The following WDR70 variants were observed in gnomAD, a reference collection of about 807,000 sequenced individuals.
WDR70 encodes the protein WD repeat domain 70.
Under a neutral mutation model 88.6 loss-of-function variants are expected in WDR70, and 53 were observed. That is an observed-to-expected ratio of 0.60 (90% CI 0.48 to 0.75). The LOEUF (loss-of-function observed/expected upper bound fraction) is 0.75, where lower values mean the gene tolerates loss of function less well. WDR70 is among the 30% of genes least tolerant of loss of function. The pLI is 0.00. For missense variants in WDR70, 610 were observed against 823.2 expected (o/e 0.74, Z 3.17); for synonymous variants, 280 against 270.0 (o/e 1.04, Z -0.36).
chr5:37,570,553 G>C (rs1742871840), intron 9 of WDR70, among the ~76,000 whole-genome samples: 1 of 152,048 alleles, frequency 6.6e-6, no homozygotes, highest in African/African-American at 2.4e-5. Context: ...ACTGAATCCT[G>C]AGGAAATGAC....
At chr5:37,745,013 C>T (rs781523038) in intron 17 of WDR70, among the ~76,000 whole-genome samples, 4 of 152,070 alleles carry the variant, frequency 2.6e-5, no homozygotes, top group Non-Finnish European at 5.9e-5. Context: ...CTGTTAAGGG[C>T]AGCCAGAGAG....
At chr5:37,742,102 C>A (rs1748499189) in intron 17 of WDR70, among the ~76,000 whole-genome samples, 1 of 151,976 alleles carries the variant, frequency 6.6e-6, no homozygotes, top group Non-Finnish European at 1.5e-5. Context: ...GGGTATATAC[C>A]CAGAAATGGA....
intron 17 of WDR70, among the ~76,000 whole-genome samples, chr5:37,739,806 C>T (rs1345250349): frequency 6.6e-6 from 1 of 152,096 alleles, no homozygotes; most frequent in East Asian, 1.9e-4. Context: ...CCCCCCATAC[C>T]CCGACTGGCC....
chr5:37,529,796 C>T, intron 9 of WDR70, among the ~76,000 whole-genome samples: 1 of 152,016 alleles, frequency 6.6e-6, no homozygotes, highest in Non-Finnish European at 1.5e-5. Flanking sequence ...TCCTCTTTAT[C>T]AATTTGGATG....
At chr5:37,554,596 T>G (rs1219094787) in intron 9 of WDR70, among the ~76,000 whole-genome samples, 2 of 151,406 alleles carry the variant, frequency 1.3e-5, no homozygotes, top group African/African-American at 4.9e-5. Context: ...GCAGAAGCAG[T>G]GAACAGAATA....
chr5:37,751,570 A>G (rs2973086), intron 17 of WDR70, among the ~76,000 whole-genome samples: 62,506 of 152,126 alleles, frequency 0.41, 15,471 homozygotes, highest in Non-Finnish European at 0.55. Flanking sequence ...CTTGCCAAAT[A>G]AAAGGAATTA....
chr5:37,412,438 T>G (rs1419334865), intron 5 of WDR70, among the ~76,000 whole-genome samples: 3 of 152,054 alleles, frequency 2.0e-5, no homozygotes, highest in Non-Finnish European at 4.4e-5. Flanking sequence ...CTATTACTTG[T>G]TCATGATTCT....
chr5:37,428,913 T>C (rs867653629), intron 5 of WDR70, among the ~76,000 whole-genome samples: 1 of 152,208 alleles, frequency 6.6e-6, no homozygotes, highest in African/African-American at 2.4e-5. Context: ...CTACACTTGG[T>C]ATTGTTGATA....
intron 10 of WDR70, chr5:37,688,154 T>C (rs929358166): frequency 4.9e-6 from 2 of 406,632 alleles, no homozygotes; most frequent in Admixed American, 4.2e-5. Flanking sequence ...TAAAGTATTA[T>C]GCATTTGCCT....
chr5:37,685,298 C>A (rs1241446077), intron 10 of WDR70, among the ~76,000 whole-genome samples: 1 of 152,040 alleles, frequency 6.6e-6, no homozygotes, highest in African/African-American at 2.4e-5. Flanking sequence ...TAGACACACA[C>A]CAGCAGAGTG....
At chr5:37,399,779 C>T (rs182859874) in intron 5 of WDR70, among the ~76,000 whole-genome samples, 1 of 151,978 alleles carries the variant, frequency 6.6e-6, no homozygotes, top group East Asian at 1.9e-4. Flanking sequence ...AGGAAATTAC[C>T]CTTGAAATGA....
intron 7 of WDR70, among the ~76,000 whole-genome samples, chr5:37,450,236 G>T (rs1242549917): frequency 6.6e-6 from 1 of 152,146 alleles, no homozygotes; most frequent in African/African-American, 2.4e-5. Context: ...ATAGTAGAAT[G>T]ATTTATAATC....
At chr5:37,542,902 C>T (rs1291702613) in intron 9 of WDR70, among the ~76,000 whole-genome samples, 1 of 152,160 alleles carries the variant, frequency 6.6e-6, no homozygotes, top group African/African-American at 2.4e-5. Flanking sequence ...TGCAGCTACT[C>T]CCATTAAGGG....
At chr5:37,677,393 C>G (rs1162290976) in intron 10 of WDR70, among the ~76,000 whole-genome samples, 1 of 152,178 alleles carries the variant, frequency 6.6e-6, no homozygotes, top group African/African-American at 2.4e-5. Flanking sequence ...TTTCCCTCTC[C>G]ATACTGCTTT....
intron 5 of WDR70, among the ~76,000 whole-genome samples, chr5:37,419,496 G>T (rs990251922): frequency 6.6e-6 from 1 of 150,606 alleles, no homozygotes; most frequent in Non-Finnish European, 1.5e-5. Context: ...GAGCCACCGC[G>T]CCCAGCTGCT....
chr5:37,414,395 A>G (rs1222654870), intron 5 of WDR70, among the ~76,000 whole-genome samples: 1 of 152,128 alleles, frequency 6.6e-6, no homozygotes, highest in Non-Finnish European at 1.5e-5. Flanking sequence ...ATGGAATAAT[A>G]CCCAGAACTT....
chr5:37,610,927 T>G (rs1744174247), intron 10 of WDR70, among the ~76,000 whole-genome samples: 1 of 152,200 alleles, frequency 6.6e-6, no homozygotes, highest in African/African-American at 2.4e-5. Context: ...CTTTTGAGAT[T>G]CTTACTTCCC....
At position 37,605,217 on chromosome 5, in the gene WDR70, G is replaced by C; in HGVS notation, c.1071G>C (p.Gln357His). 1 of 1,596,538 alleles carries C rather than the reference G, an allele frequency of 6.3e-7. No individual in the cohort carries two copies. The highest frequency in any genetic ancestry group is 8.5e-7 in the Non-Finnish European group (1 of 1,171,950). The part of the protein sequence containing the change: ...IAAACQNGSI[Q>H]IWDRNLTVHP... Reference sequence around the variant, plus strand: ...CTGCCTGCCAGAATGGAAGCATACAGATCTGGGACCGAAATTTGACTGTAA... The same window carrying C: ...CTGCCTGCCAGAATGGAAGCATACACATCTGGGACCGAAATTTGACTGTAA... Residue 357 changes from glutamine (Q) to histidine (H), a missense_variant, in exon 10 of 18, where the codon CAG (glutamine) becomes CAC (histidine). By Grantham distance (24) the Gln-to-His change is conservative. Transcript: ENST00000265107.
chr5:37,382,902 A>G (rs1211694482), intron 3 of WDR70, among the ~76,000 whole-genome samples: 2 of 151,796 alleles, frequency 1.3e-5, no homozygotes, highest in Non-Finnish European at 2.9e-5. Context: ...AATCCCAGCT[A>G]GTAGGGAGGG....
Sources: allele counts gnomAD v4.1 joint callset (sites outside exome capture counted in the v4.1 genomes callset), GRCh38; gene constraint gnomAD v4.1.1; transcripts MANE v1.5; gene names NCBI Gene and HGNC (gene_info 2026-07-23, HGNC 2026-07-21).